Variants in LCT observed in about 807,000 individuals in gnomAD.
LCT encodes the protein lactase.
A neutral mutation model predicts 173.0 loss-of-function variants in LCT; 90 were observed. That is an observed-to-expected ratio of 0.52 (90% CI 0.44 to 0.62). LCT has a LOEUF of 0.62. Ranked by LOEUF, LCT falls within the 20% of genes least tolerant of loss-of-function variation. LCT has a pLI of 0.00. For missense variants in LCT, 1,864 were observed against 2,431.4 expected, an observed-to-expected ratio of 0.77 and a Z score of 4.91; for synonymous variants, 853 against 957.6, an observed-to-expected ratio of 0.89 and a Z score of 2.02.
At chr2:135,823,339 A>AGCAGCCTCCTGATCCAT (rs1204787674) in intron 4 of LCT, among the ~76,000 whole-genome samples, 1 of 152,194 alleles carries the variant, frequency 6.6e-6, no homozygotes. Context: ...TTGGACCAGA[A>AGCAGCCTCCTGATCCAT]GCAGCCTCCT....
In LCT at chr2:135,804,984, A is replaced by G; in HGVS notation, c.4247T>C (p.Val1416Ala). ...WDTFSHTPLR[V>A]ENDAIGDVAC... ...CACGTCTCCAATGGCATCGTTCTCA[A>G]CCCTCAGTGGTGTGTGAGAAAACGT... The change falls in exon 10 of 17, where the codon GTT (valine) becomes GCT (alanine). Residue 1416 changes from valine to alanine, a missense_variant. Coordinates refer to ENST00000264162, the MANE Select transcript of LCT (RefSeq NM_002299.4). 6.2e-7 allele frequency: 1 copy of G among 1,614,050 alleles called. No individual in the cohort carries two copies.
intron 1 of LCT, among the ~76,000 whole-genome samples, chr2:135,833,536 T>C (rs1443664106): frequency 7.0e-6 from 1 of 142,518 alleles, no homozygotes; most frequent in Non-Finnish European, 1.5e-5. Flanking sequence ...AAGCTCCGCC[T>C]CCCGCGTTCA....
chr2:135,814,619 C>T (rs1286719290), intron 6 of LCT, among the ~76,000 whole-genome samples: 6 of 151,682 alleles, frequency 4.0e-5, no homozygotes, highest in Middle Eastern at 6.8e-3. Flanking sequence ...TAGGTTCAAG[C>T]GATTTTCCTG....
intron 6 of LCT, among the ~76,000 whole-genome samples, chr2:135,815,376 TACA>T (rs146781714): frequency 0.022 from 3,412 of 152,272 alleles, 134 homozygotes; most frequent in African/African-American, 0.078. Context: ...AGATAAGTTT[TACA>T]ACAAGGAGTG....
chr2:135,812,744 G>A lies in LCT; in HGVS notation c.1920C>T (p.Asp640=). 6.2e-7 allele frequency: 1 copy of A among 1,614,204 alleles called. No homozygotes were observed. The highest frequency in any genetic ancestry group is 1.1e-5 in the South Asian group (1 of 91,088). Residue 640 remains aspartate (D), a synonymous_variant, in exon 7 of 17, where the codon GAC becomes GAT. Coordinates refer to ENST00000264162, the MANE Select transcript of LCT (RefSeq NM_002299.4). ...WFAHPVFVDG[D]YPATLRTQIQ... Reference sequence around the variant, plus strand: ...TCTGGGTCCTCAGGGTGGCTGGGTAGTCTCCATCCACAAAGACGGGGTGTG... The same window carrying A: ...TCTGGGTCCTCAGGGTGGCTGGGTAATCTCCATCCACAAAGACGGGGTGTG...
Position 135,833,170 on chromosome 2 carries a change from G to A in LCT, c.661C>T (p.Leu221=). 1 of 1,613,922 alleles carries A rather than the reference G, an allele frequency of 6.2e-7. No homozygotes were observed. The highest frequency in any genetic ancestry group is 1.1e-5 in the South Asian group (1 of 91,072). The part of the protein sequence containing the change: ...AFQGGKLSVV[L]RAEDIPELLL... Reference sequence around the variant, plus strand: ...AGCTCCGGGATATCTTCAGCTCGCAGGACAACAGAGAGTTTTCCGCCTGAA... The same window carrying A: ...AGCTCCGGGATATCTTCAGCTCGCAAGACAACAGAGAGTTTTCCGCCTGAA... The change falls in exon 2 of 17, where the codon CTG becomes TTG. Residue 221 remains leucine, a synonymous_variant. Transcript: ENST00000264162.
rs1450286249 is a variant in LCT, at chr2:135,817,396, T to C, written c.1652A>G (p.Tyr551Cys). The change falls in exon 6 of 17, where the codon TAT becomes TGT. Residue 551 changes from tyrosine (Y) to cysteine (C), a missense_variant. By Grantham distance (194) the Tyr-to-Cys change is radical. Coordinates refer to ENST00000264162, the MANE Select transcript of LCT (RefSeq NM_002299.4). ...GCCGGGAGGGTGCTGGCCGGTGCCA[T>C]AGCCTGCGTAGCTCATCACCCACGG... is the stretch of plus-strand genomic sequence containing the variant. Reference protein sequence around the residue: ...HEPWVMSYAGYGTGQHPPGIS... With the variant: ...HEPWVMSYAGCGTGQHPPGIS... 1.9e-6 allele frequency: 3 copies of C among 1,613,978 alleles called. No homozygotes were observed. The highest frequency in any genetic ancestry group is 2.5e-6 in the Non-Finnish European group (3 of 1,179,996).
chr2:135,810,021 AT>A, intron 7 of LCT, 28 bp from the exon 8 acceptor site: 2 of 1,451,970 alleles, frequency 1.4e-6, no homozygotes, highest in Non-Finnish European at 1.9e-6. Flanking sequence ...AATTAGATTT[AT>A]TTATTTATGG....
Position 135,812,671 on chromosome 2 carries a change from C to T in LCT, c.1993G>A (p.Glu665Lys), listed in dbSNP as rs200439020. The T allele has an allele frequency of 7.9e-5, 128 of 1,613,348 alleles. No homozygotes were observed. The highest frequency in any genetic ancestry group is 1.7e-4 in the Middle Eastern group (1 of 6,058). ...QCSHPVAQLP[E>K]FTEAEKQLLK... The stretch of plus-strand genomic sequence containing the variant: ...AGCTGCTTCTCTGCCTCTGTGAACT[C>T]GGGGAGTTGAGCCACAGGATGGGAG... Residue 665 changes from glutamate (E) to lysine (K), a missense_variant, in exon 7 of 17, where the codon GAG (glutamate) becomes AAG (lysine). Glu to Lys is a moderately conservative substitution (Grantham distance 56). Around this residue, in one of 4 missense-constraint regions of LCT, gnomAD observed 755 missense variants for 926.3 expected, o/e 0.82. Transcript: ENST00000264162.
intron 14 of LCT, among the ~76,000 whole-genome samples, chr2:135,792,150 A>G (rs1165544307): frequency 1.3e-5 from 2 of 152,220 alleles, no homozygotes; most frequent in African/African-American, 4.8e-5. Context: ...TAGGAGAAGG[A>G]TTTAACCTTA....
At chr2:135,834,817 G>GAAA (rs375873214) in intron 1 of LCT, among the ~76,000 whole-genome samples, 3,570 of 116,074 alleles carry the variant, frequency 0.031, 58 homozygotes, top group Middle Eastern at 0.086. Flanking sequence ...AAAAGAAGAA[G>GAAA]AAAAAAATGT....
At position 135,818,037 on chromosome 2, in the gene LCT, G is replaced by A. The variant is rs781715688; in HGVS notation, c.1011C>T (p.Ser337=). ...KKSMSCSLTG[S]LALQPDQQQD... Reference sequence around the variant, plus strand: ...GCTGCTGGTCAGGCTGAAGGGCCAGGCTGCCAGTCAGAGAACAAGACATGC... The same window carrying A: ...GCTGCTGGTCAGGCTGAAGGGCCAGACTGCCAGTCAGAGAACAAGACATGC... The change falls in exon 6 of 17, where the codon AGC becomes AGT. Residue 337 remains serine (S), a synonymous_variant. Transcript: ENST00000264162. 3.1e-6 allele frequency: 5 copies of A among 1,613,320 alleles called. No individual in the cohort carries two copies. The highest frequency in any genetic ancestry group is 2.5e-6 in the Non-Finnish European group (3 of 1,180,012).
Position 135,812,358 on chromosome 2 carries a change from G to GA in LCT, c.2305dup (p.Ser769PhefsTer13). The GA allele has an allele frequency of 6.2e-7, 1 of 1,613,748 alleles. No individual in the cohort carries two copies. The highest frequency in any genetic ancestry group is 8.5e-7 in the Non-Finnish European group (1 of 1,179,610). On this transcript the variant is annotated frameshift_variant, in exon 7 of 17. Transcript: ENST00000264162. LOFTEE classifies it high-confidence loss of function. ...TTGATTGAAGTAGTCTACTCTTAAG[G>GA]AATCATCAAAGAGATTTTCACTTTC... is the stretch of plus-strand genomic sequence containing the variant.
At chr2:135,814,001 T>C (rs2077757403) in intron 6 of LCT, among the ~76,000 whole-genome samples, 1 of 152,208 alleles carries the variant, frequency 6.6e-6, no homozygotes, top group Non-Finnish European at 1.5e-5. Context: ...CAATTTATTC[T>C]CTCAACTTCA....
chr2:135,804,695 TA>T, intron 10 of LCT, 71 bp downstream of exon 10: 2 of 1,385,258 alleles, frequency 1.4e-6, no homozygotes, highest in Non-Finnish European at 2.0e-6. Flanking sequence ...GTTTACATGA[TA>T]AATGTGCTCC....
Position 135,812,732 on chromosome 2 carries a change from G to T in LCT, c.1932C>A (p.Thr644=). The change falls in exon 7 of 17, where the codon ACC becomes ACA. Residue 644 remains threonine, a synonymous_variant. Coordinates refer to ENST00000264162, the MANE Select transcript of LCT (RefSeq NM_002299.4). ...PVFVDGDYPA[T]LRTQIQQMNR... ...TCATCTGTTGGATCTGGGTCCTCAG[G>T]GTGGCTGGGTAGTCTCCATCCACAA... 6.2e-7 allele frequency: 1 copy of T among 1,614,158 alleles called. No homozygotes were observed. The highest frequency in any genetic ancestry group is 8.5e-7 in the Non-Finnish European group (1 of 1,180,026).
At chr2:135,793,986 A>G (rs2077555511) in intron 14 of LCT, among the ~76,000 whole-genome samples, 1 of 151,694 alleles carries the variant, frequency 6.6e-6, no homozygotes, top group Non-Finnish European at 1.5e-5. Context: ...AAAAAAAAAA[A>G]AAAATTAGCC....
intron 6 of LCT, among the ~76,000 whole-genome samples, chr2:135,816,996 G>A (rs2077785674): frequency 6.6e-6 from 1 of 151,984 alleles, no homozygotes; most frequent in Non-Finnish European, 1.5e-5. Context: ...AGTCTCCTGG[G>A]TAGGTGGGAT....
chr2:135,820,835 G>A (rs540080744), intron 5 of LCT, among the ~76,000 whole-genome samples: 1 of 152,072 alleles, frequency 6.6e-6, no homozygotes, highest in South Asian at 2.1e-4. Context: ...TGGGATATGC[G>A]TGCATGAAAG....
Sources: gnomAD v4.1 joint callset for allele counts (sites outside exome capture counted in the v4.1 genomes callset) on GRCh38, gnomAD v4.1.1 for gene constraint, gnomAD v4.1.1 regional missense constraint, MANE v1.5 for transcripts, NCBI Gene and HGNC (gene_info 2026-07-23, HGNC 2026-07-21) for gene names.